The following CTNNA3 variants were observed in gnomAD, a reference collection of about 807,000 sequenced individuals.
CTNNA3 encodes the protein catenin alpha-3.
A neutral mutation model predicts 95.7 loss-of-function variants in CTNNA3; 76 were observed. That is an observed-to-expected ratio of 0.79 (90% CI 0.66 to 0.96). The LOEUF is 0.96. CTNNA3 is among the 40% of genes least tolerant of loss of function. The pLI is 0.00. For synonymous variants in CTNNA3, 431 were observed against 374.4 expected, an observed-to-expected ratio of 1.15 and a Z score of -1.74; for missense variants, 1,191 against 1,089.8, an observed-to-expected ratio of 1.09 and a Z score of -1.31.
At chr10:66,698,527 G>C (rs950313949) in intron 9 of CTNNA3, among the ~76,000 whole-genome samples, 2 of 152,142 alleles carry the variant, frequency 1.3e-5, no homozygotes, top group East Asian at 3.8e-4. Flanking sequence ...TTGTGGAGTG[G>C]GCAGACTCCT....
At position 66,298,152 on chromosome 10, in the gene CTNNA3, T is replaced by C. The variant is rs369679197; in HGVS notation, c.1733-17531A>G. 3.9e-4 allele frequency among the ~76,000 whole-genome samples: 60 copies of C among 152,266 alleles called. No homozygotes were observed. In the South Asian group the frequency reaches 0.012, roughly 30 times the overall value. ...GGAGAACCCAGCCTCTAAAATGTGTTAGAGTATTTATCTCTGCAAGATAGA... is the reference window on the plus strand; with the variant it reads ...GGAGAACCCAGCCTCTAAAATGTGTCAGAGTATTTATCTCTGCAAGATAGA... On this transcript the variant is annotated intron_variant, in intron 12 of 17. Coordinates refer to ENST00000433211, the MANE Select transcript of CTNNA3 (RefSeq NM_013266.4).
At chr10:66,942,076 G>A (rs556837203) in intron 7 of CTNNA3, among the ~76,000 whole-genome samples, 32 of 152,206 alleles carry the variant, frequency 2.1e-4, no homozygotes, top group Admixed American at 2.1e-3. Context: ...CTGTAAAATG[G>A]GAACAATACT....
At chr10:65,966,924 C>A (rs2077980293) in intron 16 of CTNNA3, among the ~76,000 whole-genome samples, 178 bp from the exon 17 acceptor site, 1 of 152,058 alleles carries the variant, frequency 6.6e-6, no homozygotes, top group Non-Finnish European at 1.5e-5. Flanking sequence ...CATTTTGCAA[C>A]CTTAGTTACT....
chr10:65,959,629 A>T lies in CTNNA3; in HGVS notation c.2400+6983T>A, dbSNP rs1262060957. Among the ~76,000 whole-genome samples, 3 of 152,054 alleles carry T rather than the reference A, an allele frequency of 2.0e-5. No homozygotes were observed. In the East Asian group the frequency reaches 5.8e-4, roughly 29 times the overall value. ...AACCTCCACCTCCTGGGTTCAGGTCATCCTCTCACCTCAGCTTCCCGAGTA... is the reference window on the plus strand; with the variant it reads ...AACCTCCACCTCCTGGGTTCAGGTCTTCCTCTCACCTCAGCTTCCCGAGTA... On this transcript the variant is annotated intron_variant, in intron 17 of 17. Transcript: ENST00000433211.
intron 7 of CTNNA3, among the ~76,000 whole-genome samples, chr10:66,968,357 T>C (rs995827803): frequency 5.3e-5 from 8 of 149,544 alleles, no homozygotes; most frequent in African/African-American, 7.3e-5. Context: ...TATATATATA[T>C]ATAAAACACA....
At chr10:66,212,118 T>G (rs979578682) in intron 13 of CTNNA3, among the ~76,000 whole-genome samples, 30 of 151,306 alleles carry the variant, frequency 2.0e-4, no homozygotes, top group African/African-American at 7.3e-4. Flanking sequence ...GCCTCCTGAG[T>G]AGCTAGGGTT....
chr10:67,607,158 T>C, intron 2 of CTNNA3, 109 bp from the exon 3 acceptor site: 1 of 865,804 alleles, frequency 1.2e-6, no homozygotes, highest in Non-Finnish European at 1.7e-6. Context: ...CTTGAGCAAC[T>C]CAAGGGCTAG....
intron 14 of CTNNA3, chr10:66,097,968 C>T (rs2081464333): frequency 6.6e-6 from 1 of 151,874 alleles, no homozygotes; most frequent in South Asian, 2.1e-4. Flanking sequence ...CTGCAGGATC[C>T]CCTGCTATAT....
upstream of CTNNA3, among the ~76,000 whole-genome samples, chr10:67,700,763 A>G (rs1440399883): frequency 3.3e-5 from 5 of 152,256 alleles, no homozygotes; most frequent in African/African-American, 1.2e-4. Context: ...GCAACGGAAC[A>G]AAGCTGGACG....
intron 5 of CTNNA3, among the ~76,000 whole-genome samples, chr10:67,248,457 T>C (rs1218528663): frequency 6.2e-4 from 16 of 25,606 alleles, no homozygotes; most frequent in Admixed American, 1.0e-3. Flanking sequence ...GCTTAGTCAC[T>C]AGGCTGGAGT....
chr10:66,484,601 T>G (rs1839661793), intron 11 of CTNNA3, among the ~76,000 whole-genome samples: 1 of 151,966 alleles, frequency 6.6e-6, no homozygotes, highest in Non-Finnish European at 1.5e-5. Flanking sequence ...TAACCCTTAC[T>G]GGGAATCAGA....
At chr10:66,367,928 T>C (rs1395031987) in intron 12 of CTNNA3, among the ~76,000 whole-genome samples, 2 of 144,630 alleles carry the variant, frequency 1.4e-5, no homozygotes, top group South Asian at 2.2e-4. Context: ...TTATTATTAT[T>C]TTCTGGGAGC....
chr10:66,935,577 T>C (rs1420137445), intron 7 of CTNNA3, among the ~76,000 whole-genome samples: 1 of 151,980 alleles, frequency 6.6e-6, no homozygotes, highest in African/African-American at 2.4e-5. Context: ...GCAGAGGACA[T>C]ATTACATACG....
chr10:67,721,738 C>A (rs1841180756), intron 1 of CTNNA3, among the ~76,000 whole-genome samples: 2 of 152,038 alleles, frequency 1.3e-5, no homozygotes. Flanking sequence ...GAGAAGAGGC[C>A]TTCTGGTTTT....
chr10:66,651,139 G>T (rs4418683), intron 9 of CTNNA3, among the ~76,000 whole-genome samples: 100,191 of 151,938 alleles, frequency 0.66, 33,930 homozygotes, highest in East Asian at 0.95. Context: ...TTTACAAACC[G>T]TGAGCTAGAC....
At chr10:66,368,765 ACTT>A (rs1441842063) in intron 12 of CTNNA3, among the ~76,000 whole-genome samples, 4 of 152,124 alleles carry the variant, frequency 2.6e-5, no homozygotes, top group Non-Finnish European at 5.9e-5. Context: ...ATTTTAACTT[ACTT>A]CTTCTTCCCT....
intron 17 of CTNNA3, among the ~76,000 whole-genome samples, chr10:65,925,823 A>G (rs973099953): frequency 6.6e-6 from 1 of 152,160 alleles, no homozygotes; most frequent in African/African-American, 2.4e-5. Context: ...ATCTTAAAAC[A>G]TAGCCAGACT....
At chr10:66,443,246 C>A (rs1485773302) in intron 11 of CTNNA3, among the ~76,000 whole-genome samples, 1 of 151,936 alleles carries the variant, frequency 6.6e-6, no homozygotes, top group African/African-American at 2.4e-5. Flanking sequence ...CATAGACAAA[C>A]AAAAAGACAG....
chr10:67,527,538 CAA>C (rs1037195151), intron 4 of CTNNA3, among the ~76,000 whole-genome samples: 5 of 152,204 alleles, frequency 3.3e-5, no homozygotes, highest in African/African-American at 9.6e-5. Context: ...TTCAGTTGAG[CAA>C]AGTTTCCCCT....
Sources: allele counts gnomAD v4.1 joint callset (sites outside exome capture counted in the v4.1 genomes callset), GRCh38; gene constraint gnomAD v4.1.1; transcripts MANE v1.5; gene names NCBI Gene and HGNC (gene_info 2026-07-23, HGNC 2026-07-21).